PDC: variants seen among roughly 807,000 people sequenced by gnomAD.
PDC encodes phosducin, also known as 33 kDa phototransducing protein.
Under a neutral mutation model 22.2 loss-of-function variants are expected in PDC, and 19 were observed. The ratio of observed to expected loss-of-function variants is 0.86; its 90% CI spans 0.60 to 1.26. The LOEUF (loss-of-function observed/expected upper bound fraction) is 1.26, where lower values mean the gene tolerates loss of function less well. PDC is among the 50% of genes most tolerant of loss of function. The pLI, the probability that PDC is intolerant of heterozygous loss-of-function variation, is 0.00. For missense variants in PDC, 274 were observed against 286.8 expected, an observed-to-expected ratio of 0.96 and a Z score of 0.32; for synonymous variants, 97 against 96.2, an observed-to-expected ratio of 1.01 and a Z score of -0.05.
chr1:186,454,168 C>CTTTTTTTTTTTT (rs397860509), intron 1 of PDC, among the ~76,000 whole-genome samples: 41 of 94,222 alleles, frequency 4.4e-4, no homozygotes, highest in Non-Finnish European at 5.8e-4. Flanking sequence ...TCTTTTCTTT[C>CTTTTTTTTTTTT]TTTTTTTTTT....
Position 186,446,440 on chromosome 1 carries a change from G to T in PDC, c.199C>A (p.Arg67=), listed in dbSNP as rs1242494383. 4.4e-6 allele frequency: 7 copies of T among 1,598,588 alleles called. No homozygotes were observed. The African/African-American group carries it at 5.4e-5, about 12-fold the overall frequency. Residue 67 remains arginine, a synonymous_variant, in exon 3 of 4, where the codon CGA becomes AGA. Coordinates refer to ENST00000391997, the MANE Select transcript of PDC (RefSeq NM_002597.5). The stretch of plus-strand genomic sequence containing the variant: ...TATTATCTTACCTTTCTGCTGACTC[G>T]TTCCTTTGAATCTTTGCCATTCCTA... ...QSRNGKDSKE[R]VSRKMSIQEY... is the part of the protein sequence containing the mutation.
intron 1 of PDC, among the ~76,000 whole-genome samples, chr1:186,453,388 C>T (rs947402104): frequency 6.6e-6 from 1 of 152,118 alleles, no homozygotes; most frequent in African/African-American, 2.4e-5. Flanking sequence ...ATTTCATTAT[C>T]GTCATTATCA....
intron 1 of PDC, chr1:186,451,266 A>G (rs1300964881): frequency 6.6e-6 from 1 of 152,192 alleles, no homozygotes; most frequent in Non-Finnish European, 1.5e-5. Context: ...TCAATTTCAC[A>G]ATGTTTAGGT....
Position 186,446,551 on chromosome 1 carries a change from TC to T in PDC, c.87del (p.Trp29Ter). 1 of 1,586,714 alleles carries T rather than the reference TC, an allele frequency of 6.3e-7. No individual in the cohort carries two copies. Among genetic ancestry groups the T allele is most frequent in the Non-Finnish European group, 8.6e-7 (1 of 1,158,686 alleles). ...TCTTGACTCTCTAATTTAAACTTTCTCCAATCATTTATTACTCCTTTGGGTC... is the reference window on the plus strand; with the variant it reads ...TCTTGACTCTCTAATTTAAACTTTCTCAATCATTTATTACTCCTTTGGGTC... ...HTGPKGVINDWRKFKLESQDS... is the reference protein window; with the variant it reads ...HTGPKGVINDXRKFKLESQDS... On this transcript the variant is annotated frameshift_variant, in exon 3 of 4. Transcript: ENST00000391997. LOFTEE classifies it high-confidence loss of function.
intron 2 of PDC, among the ~76,000 whole-genome samples, chr1:186,448,204 T>C (rs562303554): frequency 6.6e-6 from 1 of 152,322 alleles, no homozygotes; most frequent in Non-Finnish European, 1.5e-5. Flanking sequence ...ACATTACTAA[T>C]TTTGATATTG....
intron 1 of PDC, among the ~76,000 whole-genome samples, chr1:186,458,297 A>G (rs553259925): frequency 1.3e-5 from 2 of 151,194 alleles, no homozygotes; most frequent in African/African-American, 4.9e-5. Context: ...ACAAAATAAA[A>G]AGAATTAAGT....
intron 1 of PDC, among the ~76,000 whole-genome samples, chr1:186,458,300 A>G (rs1195836717): frequency 1.3e-5 from 2 of 149,802 alleles, no homozygotes; most frequent in Admixed American, 1.3e-4. Flanking sequence ...AAATAAAAAG[A>G]ATTAAGTGGC....
At chr1:186,451,164 G>C (rs571567362) in intron 1 of PDC, 1 of 152,124 alleles carries the variant, frequency 6.6e-6, no homozygotes, top group African/African-American at 2.4e-5. Flanking sequence ...TTCTCTTTTT[G>C]CAATCCCTAT....
chr1:186,447,224 C>T (rs140904750), intron 2 of PDC, among the ~76,000 whole-genome samples: 2,607 of 152,080 alleles, frequency 0.017, 42 homozygotes, highest in Middle Eastern at 0.044. Context: ...TTTTGGCTCA[C>T]CGCAACCTCC....
chr1:186,452,046 AT>A (rs1662365040), intron 1 of PDC, among the ~76,000 whole-genome samples: 1 of 152,202 alleles, frequency 6.6e-6, no homozygotes, highest in African/African-American at 2.4e-5. Flanking sequence ...AAAGAAAAAT[AT>A]TAAGACATGA....
chr1:186,449,359 TTTTAA>T (rs757859950), intron 2 of PDC, 35 bp downstream of exon 2: 1 of 1,301,098 alleles, frequency 7.7e-7, no homozygotes, highest in South Asian at 1.3e-5. Flanking sequence ...CCATATTTAA[TTTTAA>T]TTTAATAATT....
chr1:186,448,924 T>G (rs1163010457), intron 2 of PDC, among the ~76,000 whole-genome samples: 3 of 152,232 alleles, frequency 2.0e-5, no homozygotes, highest in Middle Eastern at 6.8e-3. Context: ...AGACTCTGGA[T>G]GAAATGAAGT....
intron 1 of PDC, among the ~76,000 whole-genome samples, chr1:186,450,229 G>C (rs1387832720): frequency 6.6e-6 from 1 of 152,110 alleles, no homozygotes. Context: ...ATGGTCTAAG[G>C]AACACTATTC....
In PDC at chr1:186,444,086, A is replaced by T. The variant is rs2102125831; in HGVS notation, c.634T>A (p.Phe212Ile). The T allele has an allele frequency of 6.2e-7, 1 of 1,613,996 alleles. No homozygotes were observed. The highest frequency in any genetic ancestry group is 1.3e-5 in the African/African-American group (1 of 75,042). ...AAAGACTCCACATCCCCAGCAAAAA[A>T]TTCTTCAGCAAACTGTTCAGCAACA... The part of the protein sequence containing the change: ...ISVAEQFAEE[F>I]FAGDVESFLN... Residue 212 changes from phenylalanine (F) to isoleucine (I), a missense_variant, in exon 4 of 4, where the codon TTT (phenylalanine) becomes ATT (isoleucine). Physicochemically the swap from Phe to Ile is conservative, Grantham distance 21 (BLOSUM62 0). Coordinates refer to ENST00000391997, the MANE Select transcript of PDC (RefSeq NM_002597.5).
rs1050149049 is a variant in PDC, at chr1:186,446,674, T to C, written c.62-97A>G. ...TGTAAGTATTGTCATGGAATAAACT[T>C]ATTGTCTCCTGCATCAGAAACAAAC... is the stretch of plus-strand genomic sequence containing the variant. On this transcript the variant is annotated intron_variant, in intron 2 of 3. Transcript: ENST00000391997. The C allele has an allele frequency of 6.2e-6, 4 of 649,654 alleles. No homozygotes were observed. In the Admixed American group the frequency reaches 9.0e-5, roughly 15 times the overall value. The allele number at this position is 649,654 out of a possible 1,614,324, so 40.2% of individuals were successfully genotyped here. A position where few individuals can be genotyped will look rare whatever the true frequency, so the allele number is the denominator to read the frequency against.
intron 1 of PDC, among the ~76,000 whole-genome samples, chr1:186,456,047 A>ATGTTAGGCAATACAAATGCCAGTTACT (rs2102138010): frequency 7.2e-6 from 1 of 139,750 alleles, no homozygotes; most frequent in Non-Finnish European, 1.5e-5. Flanking sequence ...ATTCCTCTGC[A>ATGTTAGGCAATACAAATGCCAGTTACT]TGTTAGGCAA....
intron 1 of PDC, among the ~76,000 whole-genome samples, chr1:186,453,897 A>G (rs1662400819): frequency 6.6e-6 from 1 of 152,074 alleles, no homozygotes; most frequent in African/African-American, 2.4e-5. Context: ...CAAATCTCTG[A>G]CTCTCAAATC....
At chr1:186,455,991 AAAAATATAT>A (rs1314408021) in intron 1 of PDC, among the ~76,000 whole-genome samples, 1 of 90,298 alleles carries the variant, frequency 1.1e-5, no homozygotes, top group African/African-American at 5.2e-5. Context: ...AAAAAAAAAA[AAAAATATAT>A]ATATATATAT....
intron 1 of PDC, among the ~76,000 whole-genome samples, chr1:186,450,823 A>G (rs1486662548): frequency 6.6e-6 from 1 of 152,168 alleles, no homozygotes; most frequent in African/African-American, 2.4e-5. Context: ...ACATACTAAC[A>G]TATTCCCTCA....
Sources: allele counts gnomAD v4.1 joint callset (sites outside exome capture counted in the v4.1 genomes callset), GRCh38; gene constraint gnomAD v4.1.1; transcripts MANE v1.5; gene names NCBI Gene and HGNC (gene_info 2026-07-23, HGNC 2026-07-21).